Variants in NELL1 observed in about 807,000 individuals in gnomAD.
NELL1 encodes neural EGFL like 1, also known as protein kinase C-binding protein NELL1.
Under a neutral mutation model 107.4 loss-of-function variants are expected in NELL1, and 76 were observed. The observed-to-expected ratio is 0.71, with a 90% confidence interval of 0.59 to 0.86. The LOEUF (loss-of-function observed/expected upper bound fraction) is 0.86. Among genes scored for constraint, NELL1 ranks in the 40% least tolerant of loss-of-function variants. The pLI is 0.00. For missense variants in NELL1, 1,024 were observed against 1,005.5 expected (o/e 1.02, Z -0.25); for synonymous variants, 353 against 341.2 (o/e 1.03, Z -0.38).
intron 5 of NELL1, among the ~76,000 whole-genome samples, chr11:20,892,705 T>A: frequency 6.6e-6 from 1 of 151,894 alleles, no homozygotes; most frequent in East Asian, 1.9e-4. Context: ...CCGAGGTGGG[T>A]GGATCATGAG....
intron 3 of NELL1, among the ~76,000 whole-genome samples, chr11:20,846,296 C>T (rs1193723244): frequency 1.3e-5 from 2 of 152,108 alleles, no homozygotes; most frequent in Non-Finnish European, 2.9e-5. Context: ...TGTATTTGTT[C>T]TTTGGCATGA....
intron 15 of NELL1, among the ~76,000 whole-genome samples, chr11:21,523,865 C>T (rs1855785914): frequency 6.6e-6 from 1 of 151,850 alleles, no homozygotes; most frequent in Non-Finnish European, 1.5e-5. Context: ...TTTCCAGTAT[C>T]TTGAAAACTT....
intron 15 of NELL1, among the ~76,000 whole-genome samples, chr11:21,520,417 A>G (rs752118789): frequency 1.3e-5 from 2 of 152,176 alleles, no homozygotes; most frequent in Non-Finnish European, 2.9e-5. Context: ...TTGTGCCAGT[A>G]CTATTGATAA....
At chr11:20,946,472 G>C (rs937794165) in intron 10 of NELL1, among the ~76,000 whole-genome samples, 1 of 152,134 alleles carries the variant, frequency 6.6e-6, no homozygotes, top group African/African-American at 2.4e-5. Flanking sequence ...AAAGACCTTG[G>C]ATGAAGTAAG....
chr11:21,096,487 C>T (rs1449197953), intron 12 of NELL1, among the ~76,000 whole-genome samples: 1 of 152,128 alleles, frequency 6.6e-6, no homozygotes, highest in Non-Finnish European at 1.5e-5. Context: ...ATACAAAACC[C>T]TTTCTCTTCT....
At chr11:21,099,721 C>G (rs1204186802) in intron 12 of NELL1, among the ~76,000 whole-genome samples, 1 of 152,144 alleles carries the variant, frequency 6.6e-6, no homozygotes, top group East Asian at 1.9e-4. Flanking sequence ...AGGGAACTTT[C>G]CCACAGTAAC....
intron 15 of NELL1, among the ~76,000 whole-genome samples, chr11:21,424,728 T>C (rs557187041): frequency 6.6e-6 from 1 of 152,226 alleles, no homozygotes; most frequent in Non-Finnish European, 1.5e-5. Context: ...ACACAAAACT[T>C]GCAAAGACTA....
At chr11:20,714,237 C>G (rs199644193) in intron 2 of NELL1, among the ~76,000 whole-genome samples, 1 of 87,114 alleles carries the variant, frequency 1.1e-5, no homozygotes, top group East Asian at 3.5e-4. Flanking sequence ...GAGTTTTGCT[C>G]TTGTCACCCA....
intron 15 of NELL1, among the ~76,000 whole-genome samples, chr11:21,447,655 C>T (rs766670828): frequency 6.6e-6 from 1 of 152,116 alleles, no homozygotes; most frequent in African/African-American, 2.4e-5. Flanking sequence ...TTCAGAGCTA[C>T]GAGTTACATT....
At chr11:21,229,801 T>G (rs1857995557) in intron 14 of NELL1, among the ~76,000 whole-genome samples, 1 of 152,222 alleles carries the variant, frequency 6.6e-6, no homozygotes, top group Non-Finnish European at 1.5e-5. Context: ...GGACACTGTT[T>G]CTGTCCACAC....
intron 15 of NELL1, among the ~76,000 whole-genome samples, chr11:21,431,052 T>G (rs998279546): frequency 6.6e-6 from 1 of 152,138 alleles, no homozygotes; most frequent in Non-Finnish European, 1.5e-5. Flanking sequence ...CTAACCTAAT[T>G]TTTTGACATT....
intron 12 of NELL1, among the ~76,000 whole-genome samples, chr11:21,060,697 G>GT (rs1853718311): frequency 6.6e-6 from 1 of 152,026 alleles, no homozygotes; most frequent in African/African-American, 2.4e-5. Flanking sequence ...CTTTGTTTTT[G>GT]TTTTTGATTT....
At chr11:21,229,541 T>G in intron 14 of NELL1, 87 bp downstream of exon 14, 55 of 1,555,644 alleles carry the variant, frequency 3.5e-5, no homozygotes, top group Middle Eastern at 1.7e-4. Context: ...TTGGTAACTC[T>G]TGGTGGAACA....
At chr11:21,173,287 G>A (rs1194127523) in intron 13 of NELL1, among the ~76,000 whole-genome samples, 1 of 151,714 alleles carries the variant, frequency 6.6e-6, no homozygotes, top group Non-Finnish European at 1.5e-5. Flanking sequence ...AGTGAGGGAA[G>A]AGGCAAATTA....
rs1165149428 is a variant in NELL1 at position 21,570,752 on chromosome 11, A to G, written c.1981-12A>G. 1.2e-6 allele frequency: 2 copies of G among 1,609,288 alleles called. No individual in the cohort carries two copies. The highest frequency in any genetic ancestry group is 1.7e-6 in the Non-Finnish European group (2 of 1,177,256). ...TAAATGATGAAACCTCCTTAACTTCATTTCTAAACAGGATGGCAAGATATT... is the reference window on the plus strand; with the variant it reads ...TAAATGATGAAACCTCCTTAACTTCGTTTCTAAACAGGATGGCAAGATATT... On this transcript the variant is annotated splice_polypyrimidine_tract_variant and intron_variant, in intron 17 of 19. Transcript: ENST00000357134.
At chr11:21,136,997 T>C (rs1457693197) in intron 13 of NELL1, among the ~76,000 whole-genome samples, 1 of 152,228 alleles carries the variant, frequency 6.6e-6, no homozygotes, top group Non-Finnish European at 1.5e-5. Context: ...GACCAATTAC[T>C]GTTATGGAAT....
At chr11:20,742,571 G>T (rs1855914546) in intron 2 of NELL1, among the ~76,000 whole-genome samples, 1 of 152,132 alleles carries the variant, frequency 6.6e-6, no homozygotes, top group Non-Finnish European at 1.5e-5. Flanking sequence ...CACAATCATG[G>T]CAGAAGGTGA....
At chr11:21,356,497 G>C (rs1465681545) in intron 14 of NELL1, among the ~76,000 whole-genome samples, 1 of 152,120 alleles carries the variant, frequency 6.6e-6, no homozygotes, top group Non-Finnish European at 1.5e-5. Flanking sequence ...GGATAACTGA[G>C]AGTGTCACCA....
chr11:21,032,080 AATAATG>A (rs1280171952), intron 12 of NELL1, among the ~76,000 whole-genome samples: 2 of 147,770 alleles, frequency 1.4e-5, no homozygotes, highest in Non-Finnish European at 3.0e-5. Flanking sequence ...TAATAATAAT[AATAATG>A]ATAAAATAAA....
Sources: gnomAD v4.1 joint callset for allele counts (sites outside exome capture counted in the v4.1 genomes callset) on GRCh38, gnomAD v4.1.1 for gene constraint, MANE v1.5 for transcripts, NCBI Gene and HGNC (gene_info 2026-07-23, HGNC 2026-07-21) for gene names.